Variants in DENND1A observed in about 807,000 individuals in gnomAD.
DENND1A encodes the protein DENN domain-containing protein 1A.
DENND1A carries 51 observed loss-of-function variants against 113.7 expected under a neutral mutation model. That is an observed-to-expected ratio of 0.45 (90% CI 0.36 to 0.57). DENND1A has a LOEUF of 0.57. DENND1A is among the 20% of genes least tolerant of loss of function. The pLI, the probability that DENND1A is intolerant of heterozygous loss-of-function variation, is 0.00. For synonymous variants in DENND1A, 565 were observed against 570.8 expected, an observed-to-expected ratio of 0.99 and a Z score of 0.14; for missense variants, 1,258 against 1,395.9, an observed-to-expected ratio of 0.90 and a Z score of 1.57.
chr9:123,664,128 T>C (rs1312725158), intron 8 of DENND1A, among the ~76,000 whole-genome samples: 2 of 152,220 alleles, frequency 1.3e-5, no homozygotes, highest in Non-Finnish European at 1.5e-5. Context: ...TTTCTTTTGC[T>C]GTTGTGTGAT....
At chr9:123,412,539 G>A (rs1456154228) in intron 19 of DENND1A, among the ~76,000 whole-genome samples, 2 of 152,242 alleles carry the variant, frequency 1.3e-5, no homozygotes, top group Non-Finnish European at 2.9e-5. Context: ...GAAAAAATCT[G>A]CTCAACAAGC....
chr9:123,813,388 C>T (rs1836946305), intron 2 of DENND1A, among the ~76,000 whole-genome samples: 1 of 151,550 alleles, frequency 6.6e-6, no homozygotes, highest in Non-Finnish European at 1.5e-5. Context: ...TTATTTTTAT[C>T]AAGGCTGTGA....
At chr9:123,393,271 A>C (rs2808413) in intron 21 of DENND1A, among the ~76,000 whole-genome samples, 79,617 of 152,056 alleles carry the variant, frequency 0.52, 22,113 homozygotes, top group Non-Finnish European at 0.65. Flanking sequence ...GGGCATCTGT[A>C]TCCTGTGCAG....
intron 1 of DENND1A, among the ~76,000 whole-genome samples, chr9:123,883,651 A>C (rs1848612832): frequency 6.6e-6 from 1 of 152,244 alleles, no homozygotes; most frequent in African/African-American, 2.4e-5. Flanking sequence ...ATACCACAGT[A>C]ATCCATTATT....
chr9:123,733,039 T>C (rs1275845814), intron 5 of DENND1A, among the ~76,000 whole-genome samples: 1 of 152,208 alleles, frequency 6.6e-6, no homozygotes, highest in Non-Finnish European at 1.5e-5. Flanking sequence ...TGGAGTGCAA[T>C]GGCGCGATCT....
intron 5 of DENND1A, among the ~76,000 whole-genome samples, chr9:123,700,234 C>T (rs1426616061): frequency 2.0e-5 from 3 of 152,192 alleles, no homozygotes; most frequent in Non-Finnish European, 2.9e-5. Context: ...TTCTTTGCCA[C>T]AAAAATCTTC....
intron 13 of DENND1A, among the ~76,000 whole-genome samples, chr9:123,493,775 G>A (rs969242214): frequency 3.3e-5 from 5 of 152,184 alleles, no homozygotes; most frequent in Admixed American, 6.5e-5. Flanking sequence ...CAGGGACTAC[G>A]AGTGGAGGCT....
At chr9:123,586,425 G>C (rs918499507) in intron 11 of DENND1A, among the ~76,000 whole-genome samples, 2 of 152,190 alleles carry the variant, frequency 1.3e-5, no homozygotes, top group African/African-American at 4.8e-5. Flanking sequence ...TCTGTGGAGT[G>C]TTTACTTTTT....
rs199648302 is a variant in DENND1A at position 123,383,801 on chromosome 9, G to C, written c.1873C>G (p.Arg625Gly). The change falls in exon 23 of 24, where the codon CGG becomes GGG. Residue 625 changes from arginine to glycine, a missense_variant. This residue lies in a region of DENND1A where 1,159 missense variants were observed against 1,231.7 expected (regional missense o/e 0.94). Coordinates refer to ENST00000394215, the MANE Select transcript of DENND1A (RefSeq NM_001352964.2). ...TCCAGAAGGTCGATGCTGGCAGCCC[G>C]GTCAGGGGGAGCTGGGACAGGGCCT... ...STGPVPAPPD[R>G]AASIDLLEDV... The C allele has an allele frequency of 1.2e-6, 2 of 1,613,952 alleles. No homozygotes were observed. Among genetic ancestry groups the C allele is most frequent in the Non-Finnish European group, 1.7e-6 (2 of 1,180,052 alleles).
intron 10 of DENND1A, among the ~76,000 whole-genome samples, chr9:123,613,929 T>C (rs2060526223): frequency 2.6e-5 from 4 of 152,210 alleles, no homozygotes; most frequent in Admixed American, 2.6e-4. Flanking sequence ...TCTTTTTTCC[T>C]TCTCCCCTGA....
chr9:123,504,563 T>A (rs2052755634), intron 13 of DENND1A, among the ~76,000 whole-genome samples: 1 of 152,246 alleles, frequency 6.6e-6, no homozygotes, highest in African/African-American at 2.4e-5. Context: ...ATCCTTAGCA[T>A]CTGACTACAA....
At chr9:123,388,734 A>G (rs1221704191) in intron 21 of DENND1A, among the ~76,000 whole-genome samples, 1 of 152,232 alleles carries the variant, frequency 6.6e-6, no homozygotes, top group Non-Finnish European at 1.5e-5. Context: ...CCCATGAATT[A>G]TATACTGACC....
At chr9:123,558,569 G>C (rs1220523691) in intron 12 of DENND1A, among the ~76,000 whole-genome samples, 1 of 152,148 alleles carries the variant, frequency 6.6e-6, no homozygotes, top group East Asian at 1.9e-4. Context: ...AAGCAAGGAG[G>C]GAAAGATGAA....
chr9:123,538,238 A>C (rs2055942313), intron 13 of DENND1A, among the ~76,000 whole-genome samples: 1 of 152,212 alleles, frequency 6.6e-6, no homozygotes, highest in Non-Finnish European at 1.5e-5. Context: ...AGGAAATACA[A>C]ATGTAATAGA....
intron 17 of DENND1A, among the ~76,000 whole-genome samples, chr9:123,451,329 T>C (rs2047704690): frequency 6.6e-6 from 1 of 152,098 alleles, no homozygotes; most frequent in South Asian, 2.1e-4. Context: ...CTAACAAAAT[T>C]AAAAATGGAA....
At chr9:123,614,960 GAAAT>G (rs2060580855) in intron 10 of DENND1A, among the ~76,000 whole-genome samples, 1 of 152,180 alleles carries the variant, frequency 6.6e-6, no homozygotes, top group African/African-American at 2.4e-5. Flanking sequence ...AATTCTGCTC[GAAAT>G]AATGAGCCTG....
At position 123,609,528 on chromosome 9, in the gene DENND1A, T is replaced by A. The variant is rs1369501686; in HGVS notation, c.720-47A>T. On this transcript the variant is annotated intron_variant, in intron 10 of 23. Coordinates refer to ENST00000394215, the MANE Select transcript of DENND1A (RefSeq NM_001352964.2). ...CACAGCTGCTTTAATGTCTGTTGCT[T>A]CTGACAGAAAATTACAGATGGTTCA... 1.9e-6 allele frequency: 3 copies of A among 1,594,698 alleles called. No homozygotes were observed. In the African/African-American group the frequency reaches 4.0e-5, roughly 21 times the overall value.
chr9:123,852,956 T>C (rs953273084), intron 2 of DENND1A, among the ~76,000 whole-genome samples: 3 of 152,052 alleles, frequency 2.0e-5, no homozygotes, highest in Admixed American at 6.5e-5. Context: ...TCCTGCTCTG[T>C]CACCCAGGCT....
chr9:123,390,729 A>T (rs1445877696), intron 21 of DENND1A, among the ~76,000 whole-genome samples: 7 of 152,208 alleles, frequency 4.6e-5, no homozygotes, highest in Non-Finnish European at 1.0e-4. Context: ...TGCAGCCCGG[A>T]TGGTCCACCC....
Sources: allele counts gnomAD v4.1 joint callset (sites outside exome capture counted in the v4.1 genomes callset), GRCh38; gene constraint gnomAD v4.1.1; regional missense constraint gnomAD v4.1.1; transcripts MANE v1.5; gene names NCBI Gene and HGNC (gene_info 2026-07-23, HGNC 2026-07-21).